Variants in OPRK1 observed in about 807,000 individuals in gnomAD.
OPRK1 encodes kappa-type opioid receptor.
Under a neutral mutation model 24.5 loss-of-function variants are expected in OPRK1, and 15 were observed. That is an observed-to-expected ratio of 0.61 (90% CI 0.41 to 0.94). OPRK1 has a LOEUF of 0.94. Among genes scored for constraint, OPRK1 ranks in the 40% least tolerant of loss-of-function variants. OPRK1 has a pLI of 0.00. For synonymous variants in OPRK1, 205 were observed against 198.0 expected (o/e 1.04, Z -0.30); for missense variants, 479 against 507.3 (o/e 0.94, Z 0.54).
chr8:53,243,024 C>T, intron 2 of OPRK1: 6 of 1,168,600 alleles, frequency 5.1e-6, no homozygotes, highest in Non-Finnish European at 6.5e-6. Flanking sequence ...AACCAGCACC[C>T]CCTCCAAAGA....
chr8:53,242,771 G>A, intron 2 of OPRK1: 1 of 1,169,014 alleles, frequency 8.6e-7, no homozygotes, highest in South Asian at 1.6e-5. Flanking sequence ...CTCCCAAAGT[G>A]CTGGGATTAC....
At chr8:53,235,727 A>G (rs1291403243) in intron 2 of OPRK1, among the ~76,000 whole-genome samples, 1 of 152,212 alleles carries the variant, frequency 6.6e-6, no homozygotes, top group Non-Finnish European at 1.5e-5. Context: ...ACATCATAGC[A>G]CTAAGCATAG....
rs1218976957 is a variant in OPRK1 at position 53,250,943 on chromosome 8, C to G, written c.95G>C (p.Gly32Ala). 1.3e-5 allele frequency: 21 copies of G among 1,610,420 alleles called. No individual in the cohort carries two copies. Among genetic ancestry groups the G allele is most frequent in the African/African-American group, 6.7e-5 (5 of 74,798 alleles). The change falls in exon 2 of 4, where the codon GGC becomes GCC. Residue 32 changes from glycine to alanine, a missense_variant. Gly to Ala is a moderately conservative substitution (Grantham distance 60, BLOSUM62 0). Coordinates refer to ENST00000265572, the MANE Select transcript of OPRK1 (RefSeq NM_000912.5). ...GCCGTTGCTGTCGGGCTCGGCCCAGCCGGGAAACCAGGCGCTGCTGTTGGG... is the reference window on the plus strand; with the variant it reads ...GCCGTTGCTGTCGGGCTCGGCCCAGGCGGGAAACCAGGCGCTGCTGTTGGG... Reference protein sequence around the residue: ...LPPNSSAWFPGWAEPDSNGSA... With the variant: ...LPPNSSAWFPAWAEPDSNGSA...
chr8:53,238,559 C>G, intron 2 of OPRK1: 9 of 886,622 alleles, frequency 1.0e-5, no homozygotes, highest in Non-Finnish European at 1.2e-5. Context: ...GCTATGGTGG[C>G]CAGGCAACAG....
At chr8:53,229,895 G>T (rs1806813573) in intron 3 of OPRK1, 66 bp from the exon 4 acceptor site, 2 of 1,421,790 alleles carry the variant, frequency 1.4e-6, no homozygotes, top group African/African-American at 1.4e-5. Context: ...GCTGCAAAGT[G>T]TTTTAAATAT....
At chr8:53,233,898 G>C (rs1402185436) in intron 3 of OPRK1, among the ~76,000 whole-genome samples, 1 of 151,986 alleles carries the variant, frequency 6.6e-6, no homozygotes, top group Non-Finnish European at 1.5e-5. Context: ...TAGAAATACA[G>C]GAAAAACATC....
intron 3 of OPRK1, among the ~76,000 whole-genome samples, chr8:53,231,460 A>G (rs1806851341): frequency 6.6e-6 from 1 of 152,108 alleles, no homozygotes; most frequent in Non-Finnish European, 1.5e-5. Context: ...ACCTCAGCTT[A>G]TATGTCACTT....
Position 53,228,756 on chromosome 8 carries a change from C to CAT in OPRK1, c.*539_*540dup, listed in dbSNP as rs1806777454. On this transcript the variant is annotated 3_prime_UTR_variant, in exon 4 of 4. Coordinates refer to ENST00000265572, the MANE Select transcript of OPRK1 (RefSeq NM_000912.5). ...AGATTCCTCAGATGTGGGTCCAAGC[C>CAT]ATATGTAAGCTGTAATTCTTACCAC... 6.6e-6 allele frequency: 1 copy of CAT among 152,508 alleles called. No individual in the cohort carries two copies. The highest frequency in any genetic ancestry group is 6.5e-5 in the Admixed American group (1 of 15,300). The allele number at this position is 152,508 out of a possible 1,614,324, so 9.4% of individuals were successfully genotyped here.
At chr8:53,250,682 C>A in intron 2 of OPRK1, 99 bp downstream of exon 2, 1 of 1,277,670 alleles carries the variant, frequency 7.8e-7, no homozygotes, top group Non-Finnish European at 1.1e-6. Context: ...AGAGTCCCCA[C>A]CACCTGGCTG....
At chr8:53,237,142 G>A (rs1034151778) in intron 2 of OPRK1, among the ~76,000 whole-genome samples, 4 of 152,038 alleles carry the variant, frequency 2.6e-5, no homozygotes, top group African/African-American at 9.7e-5. Flanking sequence ...CCCTTCTTAC[G>A]TGAGTGGAAG....
At chr8:53,243,284 G>A (rs1807156811) in intron 2 of OPRK1, among the ~76,000 whole-genome samples, 1 of 152,150 alleles carries the variant, frequency 6.6e-6, no homozygotes, top group Non-Finnish European at 1.5e-5. Context: ...GGTGCCAACT[G>A]CACAGCCACA....
At chr8:53,248,557 G>A (rs769845807) in intron 2 of OPRK1, among the ~76,000 whole-genome samples, 8 of 152,228 alleles carry the variant, frequency 5.3e-5, no homozygotes, top group South Asian at 2.1e-4. Context: ...CCCTCTCTCT[G>A]ATCTTCAGTC....
At chr8:53,238,730 T>A in intron 2 of OPRK1, 1 of 985,354 alleles carries the variant, frequency 1.0e-6, no homozygotes, top group Non-Finnish European at 1.2e-6. Context: ...TCTGCTGAGA[T>A]GTCAGGAACC....
In OPRK1 at chr8:53,227,913, C is replaced by G. The variant is rs202156959; in HGVS notation, c.*1384G>C. ...TTGGAGTGTTATTTCTAAATTATCC[C>G]TTTTTTCTTCTCAGGCAAATTACAG... On this transcript the variant is annotated 3_prime_UTR_variant, in exon 4 of 4. Transcript: ENST00000265572. 5 of 152,132 alleles carry G rather than the reference C, an allele frequency of 3.3e-5. No homozygotes were observed. Among genetic ancestry groups the G allele is most frequent in the Non-Finnish European group, 7.3e-5 (5 of 68,036 alleles). The allele number at this position is 152,132 out of a possible 1,614,324, so 9.4% of individuals were successfully genotyped here. A position where few individuals can be genotyped will look rare whatever the true frequency, so the allele number is the denominator to read the frequency against.
rs148975401 is a variant in OPRK1, at chr8:53,233,979, C to T, written c.610+780G>A. ...TTGGGAGGCCGAGGCGGGCAGATCA[C>T]GAGGTCAAGAGATTGAGACCACCCT... On this transcript the variant is annotated intron_variant, in intron 3 of 3. Coordinates refer to ENST00000265572, the MANE Select transcript of OPRK1 (RefSeq NM_000912.5). Among the ~76,000 whole-genome samples the T allele has an allele frequency of 7.8e-4, 119 of 151,934 alleles. No individual in the cohort carries two copies. In the East Asian group the frequency reaches 0.019, roughly 25 times the overall value.
rs1488317933 is a variant in OPRK1, at chr8:53,229,366, G to T, written c.1074C>A (p.Ser358Arg). The T allele has an allele frequency of 1.9e-6, 3 of 1,614,204 alleles. No homozygotes were observed. Among genetic ancestry groups the T allele is most frequent in the Non-Finnish European group, 2.5e-6 (3 of 1,180,038 alleles). The stretch of plus-strand genomic sequence containing the variant: ...GATCCTGAACTGTATTTCGGACTCT[G>T]CTAGTGCTCTGCCGCTCCATCCTCA... ...LKMRMERQST[S>R]RVRNTVQDPA... The change falls in exon 4 of 4, where the codon AGC (serine) becomes AGA (arginine). Residue 358 changes from serine (S) to arginine (R), a missense_variant. Coordinates refer to ENST00000265572, the MANE Select transcript of OPRK1 (RefSeq NM_000912.5).
Position 53,228,484 on chromosome 8 carries a change from G to C in OPRK1, c.*813C>G, listed in dbSNP as rs1459377712. 1 of 152,142 alleles carries C rather than the reference G, an allele frequency of 6.6e-6. No individual in the cohort carries two copies. Among genetic ancestry groups the C allele is most frequent in the Non-Finnish European group, 1.5e-5 (1 of 68,034 alleles). 9.4% of individuals were successfully genotyped at this position (152,142 alleles called of 1,614,324 possible). A position where few individuals can be genotyped will look rare whatever the true frequency, so the allele number is the denominator to read the frequency against. On this transcript the variant is annotated 3_prime_UTR_variant, in exon 4 of 4. Coordinates refer to ENST00000265572, the MANE Select transcript of OPRK1 (RefSeq NM_000912.5). Reference sequence around the variant, plus strand: ...AGGAAATTGCCTGGCTGGGAGGCAAGCCTATTCCTTATTCACACAGGTACT... The same window carrying C: ...AGGAAATTGCCTGGCTGGGAGGCAACCCTATTCCTTATTCACACAGGTACT...
In OPRK1 at chr8:53,229,763, A is replaced by C; in HGVS notation, c.677T>G (p.Met226Arg). The C allele has an allele frequency of 6.2e-7, 1 of 1,613,252 alleles. No homozygotes were observed. Among genetic ancestry groups the C allele is most frequent in the Non-Finnish European group, 8.5e-7 (1 of 1,179,600 alleles). Residue 226 changes from methionine to arginine, a missense_variant, in exon 4 of 4, where the codon ATG becomes AGG. Transcript: ENST00000265572. ...DDDYSWWDLF[M>R]KICVFIFAFV... Reference sequence around the variant, plus strand: ...GGCAAAGATGAAGACGCAGATCTTCATGAAGAGGTCCCACCAGGAGTAGTC... The same window carrying C: ...GGCAAAGATGAAGACGCAGATCTTCCTGAAGAGGTCCCACCAGGAGTAGTC...
intron 2 of OPRK1, among the ~76,000 whole-genome samples, chr8:53,246,896 G>A (rs1387602951): frequency 2.6e-5 from 4 of 152,206 alleles, no homozygotes; most frequent in Non-Finnish European, 5.9e-5. Context: ...AATGAAACAA[G>A]GAATTGGCTC....
Sources: gnomAD v4.1 joint callset for allele counts (sites outside exome capture counted in the v4.1 genomes callset) on GRCh38, gnomAD v4.1.1 for gene constraint, MANE v1.5 for transcripts, NCBI Gene and HGNC (gene_info 2026-07-23, HGNC 2026-07-21) for gene names.